Variants in THNSL2 observed in about 807,000 individuals in gnomAD.
THNSL2 encodes threonine synthase-like 2.
In THNSL2, 34 loss-of-function variants were observed where a neutral mutation model predicts 40.0. The ratio of observed to expected loss-of-function variants is 0.85; its 90% confidence interval spans 0.65 to 1.13. The LOEUF is 1.13. THNSL2 is among the 50% of genes most tolerant of loss of function. The probability of loss-of-function intolerance (pLI) is 0.00; values close to 1 mark genes in which losing one functional copy is unlikely to be tolerated. For missense variants in THNSL2, 537 were observed against 608.8 expected, an observed-to-expected ratio of 0.88 and a Z score of 1.24; for synonymous variants, 241 against 247.5, an observed-to-expected ratio of 0.97 and a Z score of 0.25.
chr2:88,171,929 C>T lies in THNSL2; in HGVS notation c.-12-1210C>T, dbSNP rs540299927. The T allele has an allele frequency of 5.6e-4, 86 of 152,448 alleles. 1 individual carries two copies. The highest frequency in any genetic ancestry group is 1.1e-3 in the Non-Finnish European group (74 of 68,116). 9.4% of individuals were successfully genotyped at this position (152,448 alleles called of 1,614,324 possible). A position where few individuals can be genotyped will look rare whatever the true frequency, so the allele number is the denominator to read the frequency against. On this transcript the variant is annotated intron_variant, in intron 1 of 8. Coordinates refer to ENST00000674334, the MANE Select transcript of THNSL2 (RefSeq NM_018271.5). The stretch of plus-strand genomic sequence containing the variant: ...AATATTTGTAGTTAAGAGAGTGGCA[C>T]GTGGCAGCCCACGTGAGACTTGCAC...
At position 88,175,266 on chromosome 2, in the gene THNSL2, G is replaced by A. The variant is rs1260097671; in HGVS notation, c.436G>A (p.Gly146Arg). 6.2e-7 allele frequency: 1 copy of A among 1,614,044 alleles called. No individual in the cohort carries two copies. The highest frequency in any genetic ancestry group is 8.5e-7 in the Non-Finnish European group (1 of 1,180,024). ...CCATCCAGGAACATCTGGGGACACA[G>A]GAAGTGCTGCCATTGAGAGTGTTCA... Reference protein sequence around the residue: ...TVVVGTSGDTGSAAIESVQGA... With the variant: ...TVVVGTSGDTRSAAIESVQGA... The change falls in exon 4 of 9, where the codon GGA becomes AGA. Residue 146 changes from glycine to arginine, a missense_variant. By Grantham distance (125) the Gly-to-Arg change is moderately radical. Transcript: ENST00000674334.
chr2:88,173,406 A>G (rs4129189), intron 2 of THNSL2, 33 bp downstream of exon 2: 345,604 of 1,507,134 alleles, frequency 0.23, 40,594 homozygotes, highest in Middle Eastern at 0.29. Context: ...TCACTCTTCC[A>G]GCCCCTGCCA....
rs375608550 is a variant in THNSL2 at position 88,185,984 on chromosome 2, C to T, written c.1316C>T (p.Ala439Val). 92 of 1,612,822 alleles carry T rather than the reference C, an allele frequency of 5.7e-5. No individual in the cohort carries two copies. The East Asian group carries it at 8.5e-4, about 15-fold the overall frequency. ...LAAGLTPETP[A>V]EIVALEHKET... is the part of the protein sequence containing the mutation. ...GCTGGCCTGACCCCTGAGACTCCCG[C>T]GGAGATCGTAGCCCTGGAGCACAAG... The change falls in exon 9 of 9, where the codon GCG becomes GTG. Residue 439 changes from alanine to valine, a missense_variant. Physicochemically the swap from Ala to Val is moderately conservative, Grantham distance 64 (BLOSUM62 0). Coordinates refer to ENST00000674334, the MANE Select transcript of THNSL2 (RefSeq NM_018271.5).
chr2:88,183,976 C>T (rs1215773969), intron 7 of THNSL2, among the ~76,000 whole-genome samples: 2 of 152,152 alleles, frequency 1.3e-5, no homozygotes, highest in Admixed American at 6.5e-5. Flanking sequence ...ATTCTACATC[C>T]GAGTGTTTCC....
chr2:88,185,286 T>A, intron 7 of THNSL2, 42 bp from the exon 8 acceptor site: 3 of 1,539,924 alleles, frequency 1.9e-6, no homozygotes, highest in South Asian at 2.4e-5. Context: ...TTTCCCTACA[T>A]CCCCCCCCCA....
At chr2:88,184,152 C>T (rs573343793) in intron 7 of THNSL2, among the ~76,000 whole-genome samples, 15 of 152,294 alleles carry the variant, frequency 9.8e-5, no homozygotes, top group East Asian at 9.7e-4. Context: ...AGTGGAATTC[C>T]GGCCTTCTGG....
chr2:88,174,790 G>A lies in THNSL2; in HGVS notation c.375G>A (p.Gln125=). 1.9e-6 allele frequency: 3 copies of A among 1,614,204 alleles called. No homozygotes were observed. The highest frequency in any genetic ancestry group is 1.1e-5 in the South Asian group (1 of 91,088). Residue 125 remains glutamine (Q), a synonymous_variant, in exon 3 of 9, where the codon CAG becomes CAA. Transcript: ENST00000674334. ...TGTCCTGCACAACACAGTTCCTGCA[G>A]TACTTCCTGGAGAAGAGGGAGAAGC... ...LSLSCTTQFL[Q]YFLEKREKHV...
At chr2:88,172,948 A>C in intron 1 of THNSL2, 191 bp from the exon 2 acceptor site, 2 of 390,710 alleles carry the variant, frequency 5.1e-6, no homozygotes, top group African/African-American at 2.1e-5. Context: ...GATTGGTGGA[A>C]TCATGATTTA....
intron 5 of THNSL2, among the ~76,000 whole-genome samples, chr2:88,180,246 A>G (rs1677385084): frequency 6.6e-6 from 1 of 151,962 alleles, no homozygotes; most frequent in Admixed American, 6.6e-5. Context: ...TCAGGAACCA[A>G]CTCTTTGGCT....
intron 4 of THNSL2, chr2:88,175,634 A>AC: frequency 2.0e-6 from 1 of 500,406 alleles, no homozygotes; most frequent in Non-Finnish European, 3.5e-6. Flanking sequence ...ACAACATGCT[A>AC]AGTATGGATT....
chr2:88,178,718 G>T, intron 4 of THNSL2, 65 bp from the exon 5 acceptor site: 1 of 1,569,036 alleles, frequency 6.4e-7, no homozygotes. Flanking sequence ...TGTCGCAGGT[G>T]AGTGCTGACC....
chr2:88,177,985 T>G (rs1677120146), intron 4 of THNSL2, among the ~76,000 whole-genome samples: 1 of 152,228 alleles, frequency 6.6e-6, no homozygotes, highest in Non-Finnish European at 1.5e-5. Context: ...AAGGGCAGAA[T>G]GGTTAGCACC....
At chr2:88,174,980 C>T (rs1178545123) in intron 3 of THNSL2, 147 bp downstream of exon 3, 9 of 1,019,714 alleles carry the variant, frequency 8.8e-6, no homozygotes, top group Non-Finnish European at 1.3e-5. Context: ...TGCCATAGAC[C>T]CCTTTGCCAG....
intron 5 of THNSL2, among the ~76,000 whole-genome samples, chr2:88,180,734 G>A (rs78337885): frequency 0.03 from 4,590 of 152,262 alleles, 95 homozygotes; most frequent in Middle Eastern, 0.048. Flanking sequence ...ACCTCTTAGG[G>A]AGAGGAATTC....
At position 88,186,199 on chromosome 2, in the gene THNSL2, C is replaced by A; in HGVS notation, c.*76C>A. 7.1e-7 allele frequency: 1 copy of A among 1,417,186 alleles called. No individual in the cohort carries two copies. Among genetic ancestry groups the A allele is most frequent in the Non-Finnish European group, 9.7e-7 (1 of 1,029,434 alleles). 87.8% of individuals were successfully genotyped at this position (1,417,186 alleles called of 1,614,324 possible). ...TTCTGAGCTGCCTTGTGCACCCTCC[C>A]CATTAAGCGTAGGTTAGGAGGTTTC... is the stretch of plus-strand genomic sequence containing the variant. On this transcript the variant is annotated 3_prime_UTR_variant, in exon 9 of 9. Coordinates refer to ENST00000674334, the MANE Select transcript of THNSL2 (RefSeq NM_018271.5).
intron 1 of THNSL2, among the ~76,000 whole-genome samples, chr2:88,170,776 TTGGCGGGATGAC>T (rs1676280462): frequency 6.6e-6 from 1 of 152,128 alleles, no homozygotes; most frequent in African/African-American, 2.4e-5. Flanking sequence ...GCCGCCCTCC[TTGGCGGGATGAC>T]TGGCACCGGT....
At chr2:88,180,977 A>G (rs936417461) in intron 5 of THNSL2, among the ~76,000 whole-genome samples, 1 of 152,038 alleles carries the variant, frequency 6.6e-6, no homozygotes, top group African/African-American at 2.4e-5. Context: ...CTCTTCCAAA[A>G]ATTGGTGTTT....
At position 88,182,739 on chromosome 2, in the gene THNSL2, G is replaced by A. The variant is rs35051888; in HGVS notation, c.843G>A (p.Leu281=). The A allele has an allele frequency of 0.13, 208,441 of 1,613,850 alleles. 15,189 individuals are homozygous for A. The highest frequency in any genetic ancestry group is 0.28 in the Admixed American group (16,531 of 60,006). The change falls in exon 6 of 9, where the codon CTG becomes CTA. Residue 281 remains leucine, a synonymous_variant. Transcript: ENST00000674334. The part of the protein sequence containing the change: ...IAQKIGLPIR[L]VVAVNRNDII... ...AAAAGATAGGCCTGCCCATCCGTCT[G>A]GTCGTGGCAGTGAACCGCAATGACA... is the stretch of plus-strand genomic sequence containing the variant.
At position 88,175,310 on chromosome 2, in the gene THNSL2, C is replaced by T. The variant is rs772744168; in HGVS notation, c.480C>T (p.Asp160=). The part of the protein sequence containing the change: ...IESVQGAKNM[D]IIVLLPKGHC... Reference sequence around the variant, plus strand: ...GTGTTCAAGGGGCAAAGAACATGGACATTATCGTTCTGCTGCCCAAAGGTC... The same window carrying T: ...GTGTTCAAGGGGCAAAGAACATGGATATTATCGTTCTGCTGCCCAAAGGTC... The change falls in exon 4 of 9, where the codon GAC becomes GAT. Residue 160 remains aspartate, a synonymous_variant. Transcript: ENST00000674334. 9.9e-6 allele frequency: 16 copies of T among 1,614,066 alleles called. 1 individual carries two copies. The Admixed American group carries it at 2.0e-4, about 20-fold the overall frequency.
Sources: allele counts gnomAD v4.1 joint callset (sites outside exome capture counted in the v4.1 genomes callset), GRCh38; gene constraint gnomAD v4.1.1; transcripts MANE v1.5; gene names NCBI Gene and HGNC (gene_info 2026-07-23, HGNC 2026-07-21).